HADH: variants seen among roughly 807,000 people sequenced by gnomAD.
HADH encodes the protein hydroxyacyl-coenzyme A dehydrogenase, mitochondrial.
In HADH, 24 loss-of-function variants were observed where a neutral mutation model predicts 32.2. That is an observed-to-expected ratio of 0.75 (90% CI 0.54 to 1.05). HADH has a LOEUF of 1.05. HADH is among the 50% of genes least tolerant of loss of function. The probability of loss-of-function intolerance (pLI) is 0.00; values close to 1 mark genes in which losing one functional copy is unlikely to be tolerated. For synonymous variants in HADH, 139 were observed against 152.5 expected, an observed-to-expected ratio of 0.91 and a Z score of 0.65; for missense variants, 350 against 397.1, an observed-to-expected ratio of 0.88 and a Z score of 1.01.
intron 1 of HADH, among the ~76,000 whole-genome samples, chr4:107,994,990 A>C (rs375874222): frequency 6.6e-5 from 10 of 152,106 alleles, no homozygotes; most frequent in Admixed American, 6.6e-4. Flanking sequence ...TTTTCCTGCC[A>C]TGTTCTGCCT....
At chr4:108,018,868 T>C (rs1463458529) in intron 3 of HADH, among the ~76,000 whole-genome samples, 1 of 152,110 alleles carries the variant, frequency 6.6e-6, no homozygotes, top group Non-Finnish European at 1.5e-5. Flanking sequence ...AAGAACTAAA[T>C]TTGGTTTAAG....
In HADH at chr4:108,011,950, G is replaced by T. The variant is rs542304919; in HGVS notation, c.261+2063G>T. The stretch of plus-strand genomic sequence containing the variant: ...TCTGCTACCCAGGCTGGAGAGCAGT[G>T]GCATGATCATAGTTCACTATAGCCT... On this transcript the variant is annotated intron_variant, in intron 2 of 7. Coordinates refer to ENST00000309522, the MANE Select transcript of HADH (RefSeq NM_005327.7). 3.3e-5 allele frequency among the ~76,000 whole-genome samples: 5 copies of T among 152,046 alleles called. No homozygotes were observed. In the East Asian group the frequency reaches 9.7e-4, roughly 29 times the overall value.
Position 108,014,447 on chromosome 4 carries a change from T to G in HADH, c.278T>G (p.Val93Gly). Reference sequence around the variant, plus strand: ...CTGCATTAGGCCGGCGATGAATTTGTGGAGAAGACCCTGAGCACCATAGCG... The same window carrying G: ...CTGCATTAGGCCGGCGATGAATTTGGGGAGAAGACCCTGAGCACCATAGCG... ...AENLKAGDEF[V>G]EKTLSTIATS... Residue 93 changes from valine to glycine, a missense_variant, in exon 3 of 8, where the codon GTG (valine) becomes GGG (glycine). Transcript: ENST00000309522. 4 of 1,614,148 alleles carry G rather than the reference T, an allele frequency of 2.5e-6. No homozygotes were observed. Among genetic ancestry groups the G allele is most frequent in the Non-Finnish European group, 3.4e-6 (4 of 1,180,038 alleles).
chr4:108,031,133 A>G (rs1023120882), intron 6 of HADH: 8 of 152,268 alleles, frequency 5.3e-5, no homozygotes, highest in Non-Finnish European at 7.3e-5. Flanking sequence ...GGAGACTGCC[A>G]GTAACAAATG....
In HADH at chr4:107,990,035, G is replaced by A. The variant is rs145521658; in HGVS notation, c.103G>A (p.Gly35Ser). Residue 35 changes from glycine to serine, a missense_variant, in exon 1 of 8, where the codon GGC becomes AGC. Coordinates refer to ENST00000309522, the MANE Select transcript of HADH (RefSeq NM_005327.7). ...IIVKHVTVIG[G>S]GLMGAGIAQV... The stretch of plus-strand genomic sequence containing the variant: ...CGTCAAGCACGTGACGGTCATCGGC[G>A]GCGGGCTGATGGGCGCCGGCATTGC... The A allele has an allele frequency of 1.2e-6, 2 of 1,611,242 alleles. No individual in the cohort carries two copies. The highest frequency in any genetic ancestry group is 1.7e-6 in the Non-Finnish European group (2 of 1,179,244).
chr4:107,995,199 A>G (rs1734920533), intron 1 of HADH, among the ~76,000 whole-genome samples: 1 of 152,092 alleles, frequency 6.6e-6, no homozygotes, highest in Admixed American at 6.6e-5. Context: ...TCTCAAAAGT[A>G]CAGGCTATGA....
chr4:108,014,292 G>T, intron 2 of HADH, 139 bp from the exon 3 acceptor site: 1 of 865,072 alleles, frequency 1.2e-6, no homozygotes. Context: ...CAGGCTTCGT[G>T]GACACTTTGA....
At chr4:108,034,189 A>G (rs1192252678) in intron 7 of HADH, 50 bp from the exon 8 acceptor site, 2 of 1,241,684 alleles carry the variant, frequency 1.6e-6, no homozygotes, top group Non-Finnish European at 1.2e-6. Flanking sequence ...GCCAAGATGT[A>G]AAAATAAACC....
chr4:107,992,581 T>C (rs938112170), intron 1 of HADH, among the ~76,000 whole-genome samples: 3 of 152,122 alleles, frequency 2.0e-5, no homozygotes, highest in Admixed American at 6.6e-5. Flanking sequence ...ATATAAGAAG[T>C]TGGATGGTCT....
intron 6 of HADH, chr4:108,028,701 A>C (rs1195819499): frequency 7.6e-6 from 3 of 395,588 alleles, no homozygotes; most frequent in Middle Eastern, 6.4e-4. Flanking sequence ...ATTACACCTC[A>C]AAGAAAGCAC....
rs944103070 is a variant in HADH, at chr4:108,034,354, G to A, written c.942G>A (p.Lys314=). The change falls in exon 8 of 8, where the codon AAG becomes AAA. Residue 314 remains lysine, a synonymous_variant. Coordinates refer to ENST00000309522, the MANE Select transcript of HADH (RefSeq NM_005327.7). Reference sequence around the variant, plus strand: ...CTGGAGAAGGATTTTACAAATACAAGTGATGTGCAGCTTCTCCGGCTCTGA... The same window carrying A: ...CTGGAGAAGGATTTTACAAATACAAATGATGTGCAGCTTCTCCGGCTCTGA... ...KKTGEGFYKY[K] 8 of 1,554,100 alleles carry A rather than the reference G, an allele frequency of 5.1e-6. No homozygotes were observed. The highest frequency in any genetic ancestry group is 1.4e-5 in the African/African-American group (1 of 73,774).
intron 2 of HADH, among the ~76,000 whole-genome samples, chr4:108,014,109 AAC>A (rs1735607853): frequency 6.6e-6 from 1 of 152,218 alleles, no homozygotes; most frequent in African/African-American, 2.4e-5. Flanking sequence ...TTTCGGAAAC[AAC>A]AGTTTCAGGC....
At chr4:108,010,035 C>T in intron 2 of HADH, 148 bp downstream of exon 2, 1 of 633,212 alleles carries the variant, frequency 1.6e-6, no homozygotes. Flanking sequence ...TAACTTTAAA[C>T]CAATATAATA....
At chr4:108,022,053 C>T (rs1472837036) in intron 4 of HADH, among the ~76,000 whole-genome samples, 1 of 152,084 alleles carries the variant, frequency 6.6e-6, no homozygotes. Context: ...GCCCATGATC[C>T]CCATTCCAGA....
intron 4 of HADH, among the ~76,000 whole-genome samples, chr4:108,019,922 G>A (rs1485769845): frequency 6.6e-6 from 1 of 152,234 alleles, no homozygotes; most frequent in Non-Finnish European, 1.5e-5. Flanking sequence ...GAGCTGATGG[G>A]CAGTGCTGAG....
intron 7 of HADH, 67 bp from the exon 8 acceptor site, chr4:108,034,172 T>C (rs200821758): frequency 9.0e-7 from 1 of 1,111,850 alleles, no homozygotes; most frequent in Non-Finnish European, 1.4e-6. Flanking sequence ...GACTTGTCCT[T>C]GGAAATGCCA....
At chr4:108,009,998 T>G (rs1179086415) in intron 2 of HADH, 111 bp downstream of exon 2, 1 of 728,368 alleles carries the variant, frequency 1.4e-6, no homozygotes, top group Non-Finnish European at 2.3e-6. Context: ...TTTTTTTCAG[T>G]TTGTTAGTGT....
intron 6 of HADH, chr4:108,030,325 G>A (rs1048307673): frequency 3.3e-5 from 5 of 152,480 alleles, no homozygotes; most frequent in African/African-American, 1.2e-4. Context: ...CTCTCCCTTG[G>A]GTCACTTGTC....
rs1736397859 is a variant in HADH, at chr4:108,034,604, C to G, written c.*247C>G. 2.3e-6 allele frequency: 1 copy of G among 426,446 alleles called. No individual in the cohort carries two copies. The highest frequency in any genetic ancestry group is 2.0e-5 in the African/African-American group (1 of 49,266). 26.4% of individuals were successfully genotyped at this position (426,446 alleles called of 1,614,324 possible). On this transcript the variant is annotated 3_prime_UTR_variant, in exon 8 of 8. Coordinates refer to ENST00000309522, the MANE Select transcript of HADH (RefSeq NM_005327.7). The stretch of plus-strand genomic sequence containing the variant: ...TGTATTTTCTAAACAGCTTTACACC[C>G]TTGGTGCCTTGGAGCAAACATGTTT...
Sources: allele counts gnomAD v4.1 joint callset (sites outside exome capture counted in the v4.1 genomes callset), GRCh38; gene constraint gnomAD v4.1.1; transcripts MANE v1.5; gene names NCBI Gene and HGNC (gene_info 2026-07-23, HGNC 2026-07-21).